NLK: variants seen among roughly 807,000 people sequenced by gnomAD.
The protein encoded by NLK is serine/threonine-protein kinase NLK.
In NLK, 11 loss-of-function variants were observed where a neutral mutation model predicts 59.0. That is an observed-to-expected ratio of 0.19 (90% CI 0.12 to 0.31). The LOEUF is 0.31. Ranked by LOEUF, NLK falls within the 10% of genes least tolerant of loss-of-function variation. The pLI, the probability that NLK is intolerant of heterozygous loss-of-function variation, is 1.00. For missense variants in NLK, 410 were observed against 661.1 expected (o/e 0.62, Z 4.16); for synonymous variants, 235 against 235.9 (o/e 1.00, Z 0.03).
chr17:28,107,255 G>A (rs1402470727), intron 1 of NLK, among the ~76,000 whole-genome samples: 2 of 151,958 alleles, frequency 1.3e-5, no homozygotes, highest in African/African-American at 4.8e-5. Context: ...CCAACATGAT[G>A]AGACCCCCGT....
intron 1 of NLK, among the ~76,000 whole-genome samples, chr17:28,116,617 T>G (rs1191793408): frequency 6.6e-6 from 1 of 152,226 alleles, no homozygotes; most frequent in African/African-American, 2.4e-5. Flanking sequence ...GAACTTTATT[T>G]CTAAATTCAT....
chr17:28,185,763 C>T (rs899754214), intron 8 of NLK, among the ~76,000 whole-genome samples: 7 of 152,092 alleles, frequency 4.6e-5, no homozygotes, highest in South Asian at 2.1e-4. Context: ...GGTTTGAACT[C>T]CTGGAGTCAA....
intron 1 of NLK, among the ~76,000 whole-genome samples, chr17:28,082,624 C>T (rs2142767773): frequency 6.6e-6 from 1 of 152,250 alleles, no homozygotes; most frequent in South Asian, 2.1e-4. Context: ...TTTCTTATTG[C>T]AGGATCAGTT....
At chr17:28,190,031 C>T (rs994134669) in intron 8 of NLK, among the ~76,000 whole-genome samples, 3 of 151,970 alleles carry the variant, frequency 2.0e-5, no homozygotes, top group Non-Finnish European at 2.9e-5. Flanking sequence ...TATTTGGGAA[C>T]GAGAACAGTT....
At chr17:28,161,944 CT>C (rs1464322029) in intron 4 of NLK, among the ~76,000 whole-genome samples, 3 of 152,142 alleles carry the variant, frequency 2.0e-5, no homozygotes, top group African/African-American at 4.8e-5. Context: ...TACTTTCCCC[CT>C]GCCCCAGAAT....
At chr17:28,141,052 A>G (rs1312189054) in intron 3 of NLK, among the ~76,000 whole-genome samples, 1 of 152,182 alleles carries the variant, frequency 6.6e-6, no homozygotes, top group Non-Finnish European at 1.5e-5. Flanking sequence ...AAACAGTGCT[A>G]ATAGATGGCA....
the NLK span, among the ~76,000 whole-genome samples, chr17:28,201,663 G>A: frequency 2.0e-5 from 3 of 152,110 alleles, no homozygotes; most frequent in African/African-American, 7.2e-5. Context: ...TACAGGGCTG[G>A]TTCAGTATTC....
At chr17:28,181,111 TAGTG>T (rs1268989831) in intron 7 of NLK, among the ~76,000 whole-genome samples, 1 of 151,682 alleles carries the variant, frequency 6.6e-6, no homozygotes, top group Non-Finnish European at 1.5e-5. Flanking sequence ...TTAAAAAAGT[TAGTG>T]AGGGTGGGTG....
chr17:28,115,468 C>T (rs1051844708), intron 1 of NLK, among the ~76,000 whole-genome samples: 8 of 152,138 alleles, frequency 5.3e-5, no homozygotes, highest in African/African-American at 1.2e-4. Flanking sequence ...TTCATATAGG[C>T]GACAGTCTCT....
In NLK at chr17:28,163,684, T is replaced by C. The variant is rs2142049948; in HGVS notation, c.837+56T>C. 5.9e-6 allele frequency: 6 copies of C among 1,016,496 alleles called. No homozygotes were observed. The Admixed American group carries it at 1.4e-4, about 23-fold the overall frequency. 63.0% of individuals were successfully genotyped at this position (1,016,496 alleles called of 1,614,324 possible). A position where few individuals can be genotyped will look rare whatever the true frequency, so the allele number is the denominator to read the frequency against. On this transcript the variant is annotated intron_variant, in intron 5 of 10. Coordinates refer to ENST00000407008, the MANE Select transcript of NLK (RefSeq NM_016231.5). ...AAAAATCAGAATGTCAGGGCAGGTT[T>C]AAGAACAACATATTTTTGTGAAAGA... is the stretch of plus-strand genomic sequence containing the variant.
intron 7 of NLK, 33 bp downstream of exon 7, chr17:28,172,651 C>T: frequency 7.8e-7 from 1 of 1,279,564 alleles, no homozygotes; most frequent in Non-Finnish European, 1.1e-6. Flanking sequence ...TTCTGGTAAC[C>T]ATCTGTTTGG....
intron 1 of NLK, among the ~76,000 whole-genome samples, chr17:28,051,054 C>T (rs1175807704): frequency 4.1e-5 from 6 of 146,956 alleles, no homozygotes; most frequent in East Asian, 2.0e-4. Flanking sequence ...CACTCCAGCC[C>T]GGGCGACAGA....
chr17:28,184,158 G>C (rs967493914), intron 7 of NLK, among the ~76,000 whole-genome samples: 27 of 152,284 alleles, frequency 1.8e-4, no homozygotes, highest in Non-Finnish European at 2.8e-4. Flanking sequence ...AATGCTAAAG[G>C]CCATTCAGAT....
chr17:28,203,790 G>T, the NLK span, among the ~76,000 whole-genome samples: 1 of 152,206 alleles, frequency 6.6e-6, no homozygotes, highest in African/African-American at 2.4e-5. Flanking sequence ...ACCTGCCTCA[G>T]CCTCCCAAAG....
At chr17:28,152,114 C>T (rs187985260) in intron 3 of NLK, among the ~76,000 whole-genome samples, 36 of 152,314 alleles carry the variant, frequency 2.4e-4, no homozygotes, top group African/African-American at 8.4e-4. Context: ...GGGTGAGCAA[C>T]ACCCTGACCT....
intron 1 of NLK, chr17:28,116,357 C>G (rs1181604053): frequency 5.1e-6 from 1 of 197,892 alleles, no homozygotes; most frequent in East Asian, 1.1e-4. Flanking sequence ...AGAGTGAGAA[C>G]CCCGGCCGAA....
At chr17:28,073,184 C>T (rs756667958) in intron 1 of NLK, among the ~76,000 whole-genome samples, 2 of 152,146 alleles carry the variant, frequency 1.3e-5, no homozygotes, top group African/African-American at 2.4e-5. Context: ...CTGTTTTACT[C>T]TTCTACCAAG....
At chr17:28,099,233 C>G (rs954390441) in intron 1 of NLK, among the ~76,000 whole-genome samples, 11 of 151,994 alleles carry the variant, frequency 7.2e-5, no homozygotes, top group African/African-American at 2.7e-4. Flanking sequence ...AGTACTATTT[C>G]TTTTGTTTTC....
Position 28,126,940 on chromosome 17 carries a change from G to A in NLK, c.588+4208G>A, listed in dbSNP as rs571015847. 5.3e-5 allele frequency among the ~76,000 whole-genome samples: 8 copies of A among 152,058 alleles called. No homozygotes were observed. The South Asian group carries it at 1.7e-3, about 32-fold the overall frequency. On this transcript the variant is annotated intron_variant, in intron 2 of 10. Transcript: ENST00000407008. ...GGGAAAGTGATGATTTAGGTTTTTT[G>A]GATCTTTGAGATGAAAGCTATGAAT...
Sources: gnomAD v4.1 joint callset for allele counts (sites outside exome capture counted in the v4.1 genomes callset) on GRCh38, gnomAD v4.1.1 for gene constraint, MANE v1.5 for transcripts, NCBI Gene and HGNC (gene_info 2026-07-23, HGNC 2026-07-21) for gene names.